The following IMPG1 variants were observed in gnomAD, a reference collection of about 807,000 sequenced individuals.
IMPG1 encodes interphotoreceptor matrix proteoglycan of 150 kDa.
A neutral mutation model predicts 92.0 loss-of-function variants in IMPG1; 85 were observed. The ratio of observed to expected loss-of-function variants is 0.92; its 90% CI spans 0.78 to 1.11. The LOEUF (loss-of-function observed/expected upper bound fraction) is 1.11, where lower values mean the gene tolerates loss of function less well. IMPG1 is among the 50% of genes least tolerant of loss of function. The pLI, the probability that IMPG1 is intolerant of heterozygous loss-of-function variation, is 0.00. For synonymous variants in IMPG1, 367 were observed against 334.1 expected (o/e 1.10, Z -1.08); for missense variants, 1,022 against 956.0 (o/e 1.07, Z -0.91).
At chr6:76,071,154 T>A (rs913359564) in intron 1 of IMPG1, among the ~76,000 whole-genome samples, 1 of 148,274 alleles carries the variant, frequency 6.7e-6, no homozygotes, top group Non-Finnish European at 1.5e-5. Context: ...TATAATTATA[T>A]GACATATAAT....
At chr6:75,937,878 G>T (rs766075152) in intron 14 of IMPG1, among the ~76,000 whole-genome samples, 1 of 152,216 alleles carries the variant, frequency 6.6e-6, no homozygotes, top group Non-Finnish European at 1.5e-5. Flanking sequence ...AATTCAAGGA[G>T]AGAATAAGTT....
chr6:75,993,661 C>T (rs1782851986), intron 12 of IMPG1, among the ~76,000 whole-genome samples: 1 of 152,184 alleles, frequency 6.6e-6, no homozygotes, highest in African/African-American at 2.4e-5. Context: ...GGATTTAGGT[C>T]TTTCTTCCTT....
At chr6:75,948,736 A>T (rs1181127115) in intron 13 of IMPG1, among the ~76,000 whole-genome samples, 7 of 152,124 alleles carry the variant, frequency 4.6e-5, no homozygotes, top group Admixed American at 4.6e-4. Flanking sequence ...CCTATTTCTC[A>T]TAGAAAGAGG....
chr6:76,041,055 A>G (rs1017897586), intron 2 of IMPG1, among the ~76,000 whole-genome samples: 3 of 152,226 alleles, frequency 2.0e-5, no homozygotes, highest in African/African-American at 7.2e-5. Flanking sequence ...TGTAAGATAA[A>G]TTGAATTTAA....
At chr6:75,996,377 T>C (rs1166717812) in intron 12 of IMPG1, among the ~76,000 whole-genome samples, 3 of 152,194 alleles carry the variant, frequency 2.0e-5, no homozygotes, top group African/African-American at 7.2e-5. Context: ...CCTGTATTCA[T>C]GTGAAGGAGT....
chr6:76,022,360 T>C (rs952162408), intron 5 of IMPG1, 141 bp from the exon 6 acceptor site: 31 of 451,190 alleles, frequency 6.9e-5, no homozygotes, highest in Non-Finnish European at 1.0e-4. Flanking sequence ...CTTTTTAAGA[T>C]CACGTAAATA....
chr6:76,016,266 TA>T (rs1783285720), intron 7 of IMPG1, among the ~76,000 whole-genome samples: 1 of 152,208 alleles, frequency 6.6e-6, no homozygotes, highest in Non-Finnish European at 1.5e-5. Flanking sequence ...TCTGATTTTT[TA>T]AAAATCCCAA....
intron 9 of IMPG1, 45 bp from the exon 10 acceptor site, chr6:76,005,579 C>T (rs1288468062): frequency 6.3e-7 from 1 of 1,592,522 alleles, no homozygotes; most frequent in African/African-American, 1.3e-5. Flanking sequence ...GCCATTGTTA[C>T]ATGCCTTGCA....
intron 7 of IMPG1, among the ~76,000 whole-genome samples, chr6:76,012,048 A>G (rs1783194697): frequency 6.6e-6 from 1 of 151,886 alleles, no homozygotes; most frequent in East Asian, 1.9e-4. Flanking sequence ...AATTATCTAT[A>G]ATGTGAAAGG....
chr6:76,047,656 T>G (rs1413182546), intron 1 of IMPG1, among the ~76,000 whole-genome samples: 1 of 152,200 alleles, frequency 6.6e-6, no homozygotes, highest in Non-Finnish European at 1.5e-5. Context: ...GTTTTGTACA[T>G]GACAGAGATG....
intron 13 of IMPG1, among the ~76,000 whole-genome samples, chr6:75,949,823 G>C (rs1229544800): frequency 6.6e-6 from 1 of 152,038 alleles, no homozygotes; most frequent in Non-Finnish European, 1.5e-5. Context: ...ATTTTAATTT[G>C]TGTAATAATT....
At chr6:76,021,765 A>T (rs1279903355) in intron 6 of IMPG1, among the ~76,000 whole-genome samples, 3 of 138,726 alleles carry the variant, frequency 2.2e-5, no homozygotes, top group Non-Finnish European at 3.1e-5. Context: ...CATTCATTCT[A>T]ACACTTGGAG....
chr6:76,006,212 C>T (rs998563225), intron 9 of IMPG1, among the ~76,000 whole-genome samples: 4 of 151,634 alleles, frequency 2.6e-5, no homozygotes, highest in African/African-American at 9.7e-5. Context: ...TCATGCCGTG[C>T]CAATCAGGAA....
intron 1 of IMPG1, among the ~76,000 whole-genome samples, chr6:76,047,368 C>A (rs1193027126): frequency 6.6e-6 from 1 of 152,182 alleles, no homozygotes; most frequent in East Asian, 1.9e-4. Context: ...TCATTGCTCC[C>A]TCCTGTTCCT....
At chr6:76,053,496 C>T (rs1262381883) in intron 1 of IMPG1, among the ~76,000 whole-genome samples, 2 of 152,088 alleles carry the variant, frequency 1.3e-5, no homozygotes, top group African/African-American at 4.8e-5. Context: ...ACTTCAGAAG[C>T]TGAGGTGTAC....
chr6:75,957,007 C>T (rs528570866), intron 12 of IMPG1, among the ~76,000 whole-genome samples: 1 of 152,208 alleles, frequency 6.6e-6, no homozygotes, highest in South Asian at 2.1e-4. Flanking sequence ...GCAACTTCTG[C>T]CTCCCGGGTT....
chr6:76,064,655 G>A (rs758357296), intron 1 of IMPG1, among the ~76,000 whole-genome samples: 30 of 152,120 alleles, frequency 2.0e-4, no homozygotes, highest in Non-Finnish European at 7.4e-5. Context: ...ACACAGCATT[G>A]TCTCTCACTT....
intron 12 of IMPG1, among the ~76,000 whole-genome samples, chr6:75,966,720 A>G (rs901267195): frequency 2.0e-5 from 3 of 152,246 alleles, no homozygotes; most frequent in Non-Finnish European, 1.5e-5. Flanking sequence ...ATGAAAAAGA[A>G]CAAAGTTCAG....
At chr6:75,931,235 A>C in intron 14 of IMPG1, 84 bp from the exon 15 acceptor site, 1 of 1,281,316 alleles carries the variant, frequency 7.8e-7, no homozygotes. Context: ...GAGACCAAAT[A>C]CATTTGCTAT....
Sources: allele counts gnomAD v4.1 joint callset (sites outside exome capture counted in the v4.1 genomes callset), GRCh38; gene constraint gnomAD v4.1.1; transcripts MANE v1.5; gene names NCBI Gene and HGNC (gene_info 2026-07-23, HGNC 2026-07-21).